GPR26: variants seen among roughly 807,000 people sequenced by gnomAD.
GPR26 encodes G protein-coupled receptor 26.
In GPR26, 15 loss-of-function variants were observed where a neutral mutation model predicts 23.1. The ratio of observed to expected loss-of-function variants is 0.65; its 90% confidence interval spans 0.43 to 1.00. The LOEUF is 1.00. GPR26 is among the 50% of genes least tolerant of loss of function. The pLI, the probability that GPR26 is intolerant of heterozygous loss-of-function variation, is 0.00. For synonymous variants in GPR26, 228 were observed against 222.1 expected, an observed-to-expected ratio of 1.03 and a Z score of -0.24; for missense variants, 359 against 470.5, an observed-to-expected ratio of 0.76 and a Z score of 2.19.
intron 2 of GPR26, among the ~76,000 whole-genome samples, chr10:123,684,107 A>T (rs1045517888): frequency 1.3e-5 from 2 of 151,306 alleles, no homozygotes; most frequent in African/African-American, 4.9e-5. Flanking sequence ...CAGGGCAGGC[A>T]TGTGAGCCTT....
rs979488146 is a variant in GPR26, at chr10:123,694,880, C to T, written c.*6720C>T. Among the ~76,000 whole-genome samples the T allele has an allele frequency of 6.6e-6, 1 of 152,132 alleles. No individual in the cohort carries two copies. Among genetic ancestry groups the T allele is most frequent in the African/African-American group, 2.4e-5 (1 of 41,432 alleles). On this transcript the variant is annotated 3_prime_UTR_variant, in exon 3 of 3. Transcript: ENST00000284674. ...GGAAGCATAATTCACTCTTAAGAAA[C>T]CAACCACACCAGCCAGGGCCCATCT... is the stretch of plus-strand genomic sequence containing the variant.
chr10:123,680,848 T>TG (rs1465042752), intron 2 of GPR26, among the ~76,000 whole-genome samples: 1 of 125,434 alleles, frequency 8.0e-6, no homozygotes, highest in African/African-American at 3.0e-5. Context: ...GTTGTTTTTT[T>TG]GTTTTTTTTG....
intron 1 of GPR26, among the ~76,000 whole-genome samples, chr10:123,671,186 G>A (rs1845245806): frequency 6.6e-6 from 1 of 152,216 alleles, no homozygotes; most frequent in East Asian, 1.9e-4. Flanking sequence ...GCCCCTTGTG[G>A]AGAGAAGGGA....
At chr10:123,677,771 C>T (rs962588380) in intron 2 of GPR26, among the ~76,000 whole-genome samples, 8 of 152,140 alleles carry the variant, frequency 5.3e-5, no homozygotes, top group Non-Finnish European at 1.2e-4. Context: ...CTGTTCAGGG[C>T]AACTGTCCAG....
rs1845503301 is a variant in GPR26 at position 123,692,901 on chromosome 10, G to A, written c.*4741G>A. The A allele has an allele frequency of 2.0e-5, 3 of 152,126 alleles. No homozygotes were observed. The highest frequency in any genetic ancestry group is 6.5e-5 in the Admixed American group (1 of 15,278). 9.4% of individuals were successfully genotyped at this position (152,126 alleles called of 1,614,324 possible). A position where few individuals can be genotyped will look rare whatever the true frequency, so the allele number is the denominator to read the frequency against. Reference sequence around the variant, plus strand: ...TAAGTATCTAAGTTTCAATTGTCTTGTATCTTTCCCTAATTCTCCAAACGG... The same window carrying A: ...TAAGTATCTAAGTTTCAATTGTCTTATATCTTTCCCTAATTCTCCAAACGG... On this transcript the variant is annotated 3_prime_UTR_variant, in exon 3 of 3. Coordinates refer to ENST00000284674, the MANE Select transcript of GPR26 (RefSeq NM_153442.4).
rs1407210825 is a variant in GPR26 at position 123,692,354 on chromosome 10, G to A, written c.*4194G>A. The stretch of plus-strand genomic sequence containing the variant: ...GCTTGTCCTGCCCTCTTCCCAGCCA[G>A]CCTCACACACAGGAGCTGAGCCAGG... On this transcript the variant is annotated 3_prime_UTR_variant, in exon 3 of 3. Coordinates refer to ENST00000284674, the MANE Select transcript of GPR26 (RefSeq NM_153442.4). 1.3e-5 allele frequency: 2 copies of A among 152,316 alleles called. No homozygotes were observed. The highest frequency in any genetic ancestry group is 6.5e-5 in the Admixed American group (1 of 15,288). 9.4% of individuals were successfully genotyped at this position (152,316 alleles called of 1,614,324 possible). A position where few individuals can be genotyped will look rare whatever the true frequency, so the allele number is the denominator to read the frequency against.
chr10:123,666,508 C>T lies in GPR26; in HGVS notation c.101C>T (p.Ala34Val). Reference sequence around the variant, plus strand: ...GTGCTGCTCTGCCTGCTGCACAGCGCGGACATCCGCCGCCAGGCGCCGGCG... The same window carrying T: ...GTGCTGCTCTGCCTGCTGCACAGCGTGGACATCCGCCGCCAGGCGCCGGCG... Reference protein sequence around the residue: ...ALVLLCLLHSADIRRQAPALF... With the variant: ...ALVLLCLLHSVDIRRQAPALF... Residue 34 changes from alanine (A) to valine (V), a missense_variant, in exon 1 of 3, where the codon GCG (alanine) becomes GTG (valine). Coordinates refer to ENST00000284674, the MANE Select transcript of GPR26 (RefSeq NM_153442.4). The T allele has an allele frequency of 6.3e-7, 1 of 1,575,454 alleles. No individual in the cohort carries two copies. The highest frequency in any genetic ancestry group is 8.6e-7 in the Non-Finnish European group (1 of 1,164,810).
chr10:123,691,776 A>C lies in GPR26; in HGVS notation c.*3616A>C, dbSNP rs1407811831. On this transcript the variant is annotated 3_prime_UTR_variant, in exon 3 of 3. Transcript: ENST00000284674. ...AGAAGTCACCACGGAAGGTTGTTTA[A>C]GATGCAGATTCCAGCATCCCCTCCT... 2 of 152,188 alleles carry C rather than the reference A, an allele frequency of 1.3e-5. No homozygotes were observed. The highest frequency in any genetic ancestry group is 2.9e-5 in the Non-Finnish European group (2 of 68,034). The allele number at this position is 152,188 out of a possible 1,614,324, so 9.4% of individuals were successfully genotyped here. A position where few individuals can be genotyped will look rare whatever the true frequency, so the allele number is the denominator to read the frequency against.
At position 123,666,900 on chromosome 10, in the gene GPR26, G is replaced by C. The variant is rs200070620; in HGVS notation, c.493G>C (p.Glu165Gln). 3 of 1,612,540 alleles carry C rather than the reference G, an allele frequency of 1.9e-6. No homozygotes were observed. The highest frequency in any genetic ancestry group is 1.1e-5 in the South Asian group (1 of 91,004). ...SCTLCSRRPD[E>Q]RLRFAVFTGA... ...CACGCTGTGCAGCCGGCGGCCAGAC[G>C]AGCGCCTGCGCTTCGCCGTCTTCAC... Residue 165 changes from glutamate to glutamine, a missense_variant, in exon 1 of 3, where the codon GAG becomes CAG. Physicochemically the swap from Glu to Gln is conservative, Grantham distance 29 (BLOSUM62 2). Transcript: ENST00000284674.
rs1448657630 is a variant in GPR26, at chr10:123,674,132, A to G, written c.669-686A>G. On this transcript the variant is annotated intron_variant, in intron 1 of 2. Coordinates refer to ENST00000284674, the MANE Select transcript of GPR26 (RefSeq NM_153442.4). The surrounding 1 kb of genome is among the most constrained non-coding windows in gnomAD (Gnocchi z 4.1). Reference sequence around the variant, plus strand: ...ACCACCACGCATGGCTAATTTTTGTATTTTTGGTACAGGCGAGGTTTCACC... The same window carrying G: ...ACCACCACGCATGGCTAATTTTTGTGTTTTTGGTACAGGCGAGGTTTCACC... Among the ~76,000 whole-genome samples, 1 of 151,990 alleles carries G rather than the reference A, an allele frequency of 6.6e-6. No individual in the cohort carries two copies. The highest frequency in any genetic ancestry group is 1.5e-5 in the Non-Finnish European group (1 of 68,004).
At chr10:123,682,919 G>A (rs1845393411) in intron 2 of GPR26, among the ~76,000 whole-genome samples, 1 of 152,244 alleles carries the variant, frequency 6.6e-6, no homozygotes, top group Admixed American at 6.5e-5. Context: ...GTCTTGGGAA[G>A]ACCCTGGGCT....
Position 123,689,294 on chromosome 10 carries a change from C to T in GPR26, c.*1134C>T, listed in dbSNP as rs528651386. 15 of 151,848 alleles carry T rather than the reference C, an allele frequency of 9.9e-5. No homozygotes were observed. The highest frequency in any genetic ancestry group is 3.1e-4 in the African/African-American group (13 of 41,324). The allele number at this position is 151,848 out of a possible 1,614,324, so 9.4% of individuals were successfully genotyped here. A position where few individuals can be genotyped will look rare whatever the true frequency, so the allele number is the denominator to read the frequency against. On this transcript the variant is annotated 3_prime_UTR_variant, in exon 3 of 3. Coordinates refer to ENST00000284674, the MANE Select transcript of GPR26 (RefSeq NM_153442.4). The stretch of plus-strand genomic sequence containing the variant: ...AGATGGGAGTTTCACTCTTATTGCC[C>T]AGGCTAGAGTGCAATGGTGCGATCT...
rs111336363 is a variant in GPR26, at chr10:123,692,730, T to C, written c.*4570T>C. ...TAATCTTCATCATAATCTTTTGATG[T>C]AGGTGCTGTTATTATCTCTACGTTA... On this transcript the variant is annotated 3_prime_UTR_variant, in exon 3 of 3. Transcript: ENST00000284674. The C allele has an allele frequency of 5.9e-5, 9 of 152,184 alleles. No homozygotes were observed. The highest frequency in any genetic ancestry group is 1.3e-4 in the Non-Finnish European group (9 of 68,046). The allele number at this position is 152,184 out of a possible 1,614,324, so 9.4% of individuals were successfully genotyped here.
At chr10:123,676,576 AC>A (rs1392684354) in intron 2 of GPR26, among the ~76,000 whole-genome samples, 1 of 152,052 alleles carries the variant, frequency 6.6e-6, no homozygotes, top group Non-Finnish European at 1.5e-5. Context: ...GACCAGAATC[AC>A]CCCTGGTTGA....
At position 123,675,825 on chromosome 10, in the gene GPR26, T is replaced by TGTAC. The variant is rs1589925782; in HGVS notation, c.782+896_782+897insACGT. Among the ~76,000 whole-genome samples, 3 of 123,746 alleles carry TGTAC rather than the reference T, an allele frequency of 2.4e-5. 1 individual carries two copies. The East Asian group carries it at 9.0e-4, about 37-fold the overall frequency. The allele number at this position is 123,746 out of a possible 152,430, so 81.2% of individuals were successfully genotyped here. A position where few individuals can be genotyped will look rare whatever the true frequency, so the allele number is the denominator to read the frequency against. Reference sequence around the variant, plus strand: ...GTGTGTGTGTGTGTGTGTACGTGTGTGTGTGTACGTGTGTGTGTGTGTGTG... The same window carrying TGTAC: ...GTGTGTGTGTGTGTGTGTACGTGTGTGTACGTGTGTACGTGTGTGTGTGTGTGTG... On this transcript the variant is annotated intron_variant, in intron 2 of 2. Transcript: ENST00000284674.
chr10:123,695,541 A>T lies in GPR26; in HGVS notation c.*7381A>T, dbSNP rs1002732975. 6.6e-6 allele frequency among the ~76,000 whole-genome samples: 1 copy of T among 152,168 alleles called. No homozygotes were observed. The highest frequency in any genetic ancestry group is 2.4e-5 in the African/African-American group (1 of 41,438). ...GTCTTATCCCGGACAATCCTCAGGG[A>T]TTGGGTTTGATGTCGGGGGAGCATT... On this transcript the variant is annotated 3_prime_UTR_variant, in exon 3 of 3. Transcript: ENST00000284674.
Position 123,696,391 on chromosome 10 carries a change from T to G in GPR26, c.*8231T>G, listed in dbSNP as rs12359984. ...TTACATTCCTTGAATTTTCATAGAT[T>G]CTATTTTTTTCATGTCTGTGAAAAG... On this transcript the variant is annotated 3_prime_UTR_variant, in exon 3 of 3. Transcript: ENST00000284674. 0.19 allele frequency among the ~76,000 whole-genome samples: 28,373 copies of G among 151,976 alleles called. 2,835 individuals carry two copies. Among genetic ancestry groups the G allele is most frequent in the East Asian group, 0.22 (1,137 of 5,154 alleles).
Position 123,674,967 on chromosome 10 carries a change from A to C in GPR26, c.782+36A>C. 1 of 1,329,750 alleles carries C rather than the reference A, an allele frequency of 7.5e-7. No homozygotes were observed. Among genetic ancestry groups the C allele is most frequent in the Middle Eastern group, 2.1e-4 (1 of 4,876 alleles). The allele number at this position is 1,329,750 out of a possible 1,614,324, so 82.4% of individuals were successfully genotyped here. A position where few individuals can be genotyped will look rare whatever the true frequency, so the allele number is the denominator to read the frequency against. ...TTGGCAGGTGTGTCTTGGGACTTTG[A>C]AGAGTAAGGCAGGGCCCAGTGACCT... On this transcript the variant is annotated intron_variant, in intron 2 of 2. Coordinates refer to ENST00000284674, the MANE Select transcript of GPR26 (RefSeq NM_153442.4). The surrounding 1 kb of genome is among the most constrained non-coding windows in gnomAD (Gnocchi z 4.1).
intron 1 of GPR26, among the ~76,000 whole-genome samples, chr10:123,670,738 C>T (rs920857174): frequency 6.6e-6 from 1 of 152,212 alleles, no homozygotes; most frequent in Non-Finnish European, 1.5e-5. Flanking sequence ...ACCCCTCAGG[C>T]GTCTAGCTGG....
Sources: gnomAD v4.1 joint callset for allele counts (sites outside exome capture counted in the v4.1 genomes callset) on GRCh38, gnomAD v4.1.1 for gene constraint, Gnocchi (gnomAD v3.1) non-coding constraint, MANE v1.5 for transcripts, NCBI Gene and HGNC (gene_info 2026-07-23, HGNC 2026-07-21) for gene names.